TATDN1: variants seen among roughly 807,000 people sequenced by gnomAD.
The protein encoded by TATDN1 is deoxyribonuclease TATDN1.
A neutral mutation model predicts 46.4 loss-of-function variants in TATDN1; 40 were observed. That is an observed-to-expected ratio of 0.86 (90% CI 0.67 to 1.12). TATDN1 has a LOEUF of 1.12. TATDN1 is among the 50% of genes most tolerant of loss of function. TATDN1 has a pLI of 0.00. For synonymous variants in TATDN1, 95 were observed against 105.6 expected (o/e 0.90, Z 0.62); for missense variants, 326 against 348.4 (o/e 0.94, Z 0.51).
chr8:124,531,969 C>T (rs982591408), intron 1 of TATDN1, among the ~76,000 whole-genome samples: 3 of 152,068 alleles, frequency 2.0e-5, no homozygotes, highest in Non-Finnish European at 2.9e-5. Context: ...GGATTGCAAG[C>T]GCAATTTTGT....
At position 124,515,759 on chromosome 8, in the gene TATDN1, C is replaced by A. The variant is rs758263966; in HGVS notation, c.376G>T (p.Asp126Tyr). The change falls in exon 6 of 12, where the codon GAT (aspartate) becomes TAT (tyrosine). Residue 126 changes from aspartate to tyrosine, a missense_variant. Physicochemically the swap from Asp to Tyr is radical, Grantham distance 160. Coordinates refer to ENST00000276692, the MANE Select transcript of TATDN1 (RefSeq NM_032026.4). ...AAATTTCCTTACTTGAGTTGAGTATCTTTGGGACAAAACTGCAGTCGGTCA... is the reference window on the plus strand; with the variant it reads ...AAATTTCCTTACTTGAGTTGAGTATATTTGGGACAAAACTGCAGTCGGTCA... ...DFDRLQFCPK[D>Y]TQLKYFEKQF... 3.1e-5 allele frequency: 50 copies of A among 1,613,604 alleles called. No homozygotes were observed. The highest frequency in any genetic ancestry group is 4.1e-5 in the Non-Finnish European group (48 of 1,179,834).
Position 124,488,684 on chromosome 8 carries a change from C to T in TATDN1, c.804G>A (p.Glu268=), listed in dbSNP as rs1816620587. The part of the protein sequence containing the change: ...NEPCHIIQIL[E]IMSAVRDEDP... ...CCTCATCTCTCACTGCTGACATTAT[C>T]TCCAATATTTGACTAAAACAAAACA... Residue 268 remains glutamate (E), a synonymous_variant, in exon 12 of 12, where the codon GAG becomes GAA. Transcript: ENST00000276692. 6.2e-7 allele frequency: 1 copy of T among 1,600,478 alleles called. No homozygotes were observed. Among genetic ancestry groups the T allele is most frequent in the Admixed American group, 1.7e-5 (1 of 59,858 alleles).
At chr8:124,505,751 G>C (rs1156867663) in intron 8 of TATDN1, among the ~76,000 whole-genome samples, 1 of 151,842 alleles carries the variant, frequency 6.6e-6, no homozygotes, top group Non-Finnish European at 1.5e-5. Flanking sequence ...CATTACTACT[G>C]AGTCCAGAGA....
intron 8 of TATDN1, among the ~76,000 whole-genome samples, chr8:124,507,905 A>C (rs1383496780): frequency 6.6e-6 from 1 of 152,160 alleles, no homozygotes; most frequent in Admixed American, 6.5e-5. Flanking sequence ...ATTAAAACTG[A>C]TTTGTGTTTA....
chr8:124,509,278 TA>T (rs1818801313), intron 6 of TATDN1, among the ~76,000 whole-genome samples: 1 of 152,198 alleles, frequency 6.6e-6, no homozygotes, highest in Admixed American at 6.5e-5. Flanking sequence ...AACCTGAGTA[TA>T]AAAGCTGGTG....
At position 124,508,473 on chromosome 8, in the gene TATDN1, C is replaced by A. The variant is rs901547189; in HGVS notation, c.516+1G>T. 2.5e-6 allele frequency: 4 copies of A among 1,612,142 alleles called. No homozygotes were observed. In the African/African-American group the frequency reaches 5.3e-5, roughly 22 times the overall value. On this transcript the variant is annotated splice_donor_variant, in intron 8 of 11. Coordinates refer to ENST00000276692, the MANE Select transcript of TATDN1 (RefSeq NM_032026.4). LOFTEE classifies it high-confidence loss of function. ...ATTAAAAATGACTATTTTATACTTA[C>A]CACTCCCCCTACACACCGATCTCTA...
chr8:124,538,561 T>G (rs886907663), intron 1 of TATDN1: 10 of 190,002 alleles, frequency 5.3e-5, no homozygotes, highest in Non-Finnish European at 7.9e-5. Flanking sequence ...CTTTGTGCCC[T>G]GTGTTCCTAG....
At chr8:124,495,129 G>C (rs979471113) in intron 10 of TATDN1, 1 of 301,404 alleles carries the variant, frequency 3.3e-6, no homozygotes, top group African/African-American at 2.3e-5. Context: ...AAGACACTGT[G>C]TAAACAAAAT....
intron 4 of TATDN1, among the ~76,000 whole-genome samples, chr8:124,516,844 T>C (rs149363737): frequency 2.7e-4 from 41 of 152,314 alleles, no homozygotes; most frequent in African/African-American, 9.4e-4. Context: ...TTGACTTGCA[T>C]AGAATACAAA....
At chr8:124,514,630 T>C (rs1280979999) in intron 6 of TATDN1, among the ~76,000 whole-genome samples, 3 of 152,204 alleles carry the variant, frequency 2.0e-5, no homozygotes, top group Non-Finnish European at 2.9e-5. Flanking sequence ...CAGTCTAATG[T>C]TTTATCATTT....
At chr8:124,494,126 GAAT>G in intron 10 of TATDN1, 167 bp from the exon 11 acceptor site, 2 of 575,930 alleles carry the variant, frequency 3.5e-6, no homozygotes, top group Non-Finnish European at 5.6e-6. Context: ...ATAAAATCTT[GAAT>G]TGCATCTTAA....
At chr8:124,512,902 A>G (rs1819149045) in intron 6 of TATDN1, among the ~76,000 whole-genome samples, 1 of 151,848 alleles carries the variant, frequency 6.6e-6, no homozygotes, top group South Asian at 2.1e-4. Flanking sequence ...TCAAAATGTG[A>G]TTGTTACTAG....
chr8:124,522,324 A>AAGAC, intron 2 of TATDN1, 124 bp from the exon 3 acceptor site: 1 of 687,588 alleles, frequency 1.5e-6, no homozygotes, highest in Non-Finnish European at 2.6e-6. Flanking sequence ...TACAGGTAAG[A>AAGAC]AGACCTTAAT....
intron 1 of TATDN1, among the ~76,000 whole-genome samples, chr8:124,536,307 T>G (rs1055270543): frequency 6.6e-6 from 1 of 152,034 alleles, no homozygotes; most frequent in Non-Finnish European, 1.5e-5. Flanking sequence ...TCCCAGAACT[T>G]TGGGAGGCGG....
intron 1 of TATDN1, among the ~76,000 whole-genome samples, chr8:124,537,346 G>C (rs1174588836): frequency 6.6e-6 from 1 of 152,142 alleles, no homozygotes; most frequent in Non-Finnish European, 1.5e-5. Flanking sequence ...GGTAGGCAGA[G>C]GAATATTTTG....
chr8:124,522,045 C>T (rs1034193742), intron 3 of TATDN1, 106 bp downstream of exon 3: 1 of 680,414 alleles, frequency 1.5e-6, no homozygotes, highest in Non-Finnish European at 2.6e-6. Context: ...CAATATGTAC[C>T]CCAACTGTGG....
chr8:124,511,434 G>C (rs1479804749), intron 6 of TATDN1, among the ~76,000 whole-genome samples: 7 of 152,132 alleles, frequency 4.6e-5, no homozygotes, highest in African/African-American at 1.7e-4. Context: ...AAATCTTCTT[G>C]TTGTAGTTTT....
chr8:124,531,554 A>G (rs1225159273), intron 1 of TATDN1, among the ~76,000 whole-genome samples: 3 of 152,208 alleles, frequency 2.0e-5, no homozygotes, highest in African/African-American at 7.2e-5. Context: ...GGTTTTTCTC[A>G]AGCAGCATTT....
chr8:124,527,826 T>C lies in TATDN1; in HGVS notation c.23-4824A>G, dbSNP rs529692363. 5.5e-4 allele frequency among the ~76,000 whole-genome samples: 83 copies of C among 151,162 alleles called. 1 individual carries two copies. The highest frequency in any genetic ancestry group is 2.0e-3 in the African/African-American group (81 of 41,104). ...CAGATCCATCCCTACGATAGCCAATTGGACATCCTAGATCAACCAGGAATA... is the reference window on the plus strand; with the variant it reads ...CAGATCCATCCCTACGATAGCCAATCGGACATCCTAGATCAACCAGGAATA... On this transcript the variant is annotated intron_variant, in intron 1 of 11. Transcript: ENST00000276692.
Sources: gnomAD v4.1 joint callset for allele counts (sites outside exome capture counted in the v4.1 genomes callset) on GRCh38, gnomAD v4.1.1 for gene constraint, MANE v1.5 for transcripts, NCBI Gene and HGNC (gene_info 2026-07-23, HGNC 2026-07-21) for gene names.